FMNL2: variants seen among roughly 807,000 people sequenced by gnomAD.
The protein encoded by FMNL2 is formin like 2.
A neutral mutation model predicts 130.2 loss-of-function variants in FMNL2; 51 were observed. The observed-to-expected ratio is 0.39, with a 90% CI of 0.31 to 0.49. The LOEUF is 0.49. FMNL2 is among the 20% of genes least tolerant of loss of function. FMNL2 has a pLI of 0.85. For missense variants in FMNL2, 977 were observed against 1,316.2 expected (o/e 0.74, Z 3.99); for synonymous variants, 465 against 467.1 (o/e 1.00, Z 0.06).
At position 152,424,998 on chromosome 2, in the gene FMNL2, A is replaced by G. The variant is rs572731579; in HGVS notation, c.117+89278A>G. ...GTTGTTAATTCACTTTTAACTCTTC[A>G]TGTATCATTTTTGTTCTAGTTGTAA... On this transcript the variant is annotated intron_variant, in intron 1 of 25. Coordinates refer to ENST00000288670, the MANE Select transcript of FMNL2 (RefSeq NM_052905.4). Among the ~76,000 whole-genome samples the G allele has an allele frequency of 6.4e-4, 97 of 152,314 alleles. 1 individual carries two copies. The Middle Eastern group carries it at 0.01, about 16-fold the overall frequency.
Position 152,514,979 on chromosome 2 carries a change from T to C in FMNL2, c.118-6964T>C, listed in dbSNP as rs185154069. Among the ~76,000 whole-genome samples the C allele has an allele frequency of 5.3e-5, 8 of 152,302 alleles. No homozygotes were observed. The East Asian group carries it at 1.5e-3, about 29-fold the overall frequency. ...ACCCTCATGATGCTTATCACTACCA[T>C]GGTGATCATTTCCATGTCACAAGTG... is the stretch of plus-strand genomic sequence containing the variant. On this transcript the variant is annotated intron_variant, in intron 1 of 25. Transcript: ENST00000288670.
intron 1 of FMNL2, among the ~76,000 whole-genome samples, chr2:152,461,503 C>T (rs995361364): frequency 6.6e-6 from 1 of 151,940 alleles, no homozygotes; most frequent in Non-Finnish European, 1.5e-5. Context: ...ATTCACATAC[C>T]ACATTTGTTC....
chr2:152,389,778 C>T (rs1684997168), intron 1 of FMNL2, among the ~76,000 whole-genome samples: 2 of 152,210 alleles, frequency 1.3e-5, no homozygotes, highest in Non-Finnish European at 2.9e-5. Context: ...CTTTCTTCAG[C>T]TTCCTTCGAC....
chr2:152,595,456 G>A (rs1460220193), intron 9 of FMNL2, among the ~76,000 whole-genome samples: 1 of 152,104 alleles, frequency 6.6e-6, no homozygotes, highest in Non-Finnish European at 1.5e-5. Context: ...GAGTAGTTGG[G>A]ACTACAGACA....
At chr2:152,642,030 T>A (rs1466719915) in intron 25 of FMNL2, among the ~76,000 whole-genome samples, 1 of 152,006 alleles carries the variant, frequency 6.6e-6, no homozygotes, top group East Asian at 1.9e-4. Flanking sequence ...AAGCTTTGCC[T>A]CCTGGGTTCA....
At position 152,637,647 on chromosome 2, in the gene FMNL2, C is replaced by T; in HGVS notation, c.2919C>T (p.Val973=). The change falls in exon 23 of 26, where the codon GTC becomes GTT. Residue 973 remains valine (V), a synonymous_variant. Coordinates refer to ENST00000288670, the MANE Select transcript of FMNL2 (RefSeq NM_052905.4). The part of the protein sequence containing the change: ...KTTPPSVFFP[V]FVRFVKAYKQ... ...CACCACCCTCTGTCTTCTTTCCTGTCTTTGTCCGGTTTGTGAAAGCATATA... is the reference window on the plus strand; with the variant it reads ...CACCACCCTCTGTCTTCTTTCCTGTTTTTGTCCGGTTTGTGAAAGCATATA... The T allele has an allele frequency of 6.2e-7, 1 of 1,613,964 alleles. No individual in the cohort carries two copies. Among genetic ancestry groups the T allele is most frequent in the Non-Finnish European group, 8.5e-7 (1 of 1,179,852 alleles).
intron 1 of FMNL2, among the ~76,000 whole-genome samples, chr2:152,514,071 G>A (rs1331603101): frequency 6.6e-6 from 1 of 152,148 alleles, no homozygotes; most frequent in African/African-American, 2.4e-5. Flanking sequence ...GCCATGTGCT[G>A]AATTTGCAGC....
chr2:152,406,009 A>AT (rs1352761994), intron 1 of FMNL2, among the ~76,000 whole-genome samples: 1 of 152,224 alleles, frequency 6.6e-6, no homozygotes, highest in Non-Finnish European at 1.5e-5. Flanking sequence ...TTCTGTCATA[A>AT]TTTAGCCTTA....
intron 1 of FMNL2, among the ~76,000 whole-genome samples, chr2:152,479,921 G>C (rs976929492): frequency 6.6e-6 from 1 of 152,044 alleles, no homozygotes; most frequent in African/African-American, 2.4e-5. Flanking sequence ...TTTTGGCCAT[G>C]TGACTTACGT....
chr2:152,419,790 T>G (rs1435155804), intron 1 of FMNL2, among the ~76,000 whole-genome samples: 1 of 152,036 alleles, frequency 6.6e-6, no homozygotes, highest in African/African-American at 2.4e-5. Flanking sequence ...TTGGGCTCCC[T>G]GTGACCTGTT....
intron 1 of FMNL2, 91 bp downstream of exon 1, chr2:152,335,811 G>A: frequency 2.2e-6 from 2 of 899,500 alleles, no homozygotes; most frequent in Admixed American, 4.2e-5. Flanking sequence ...ACCCCGTGCC[G>A]GGAGCGAGCC....
At chr2:152,451,793 G>C (rs1688665540) in intron 1 of FMNL2, among the ~76,000 whole-genome samples, 1 of 152,176 alleles carries the variant, frequency 6.6e-6, no homozygotes, top group African/African-American at 2.4e-5. Context: ...TACAGCCACT[G>C]GATTCCTCTT....
At chr2:152,637,477 T>C (rs1423439725) in intron 22 of FMNL2, 96 bp from the exon 23 acceptor site, 1 of 931,686 alleles carries the variant, frequency 1.1e-6, no homozygotes, top group Non-Finnish European at 1.7e-6. Context: ...TGGGAGCCTC[T>C]GTCTTGTGGC....
intron 1 of FMNL2, among the ~76,000 whole-genome samples, chr2:152,380,026 G>A (rs1030421656): frequency 2.6e-4 from 39 of 152,224 alleles, no homozygotes; most frequent in African/African-American, 8.0e-4. Context: ...ATAGTGAATA[G>A]TTTCTGGGGC....
Position 152,575,136 on chromosome 2 carries a change from A to T in FMNL2, c.597A>T (p.Arg199=). The change falls in exon 7 of 26, where the codon CGA becomes CGT. Residue 199 remains arginine, a splice_region_variant and synonymous_variant. Coordinates refer to ENST00000288670, the MANE Select transcript of FMNL2 (RefSeq NM_052905.4). ...VSRSGRHSAL[R]YNTLPSRRTL... ...TAGAAGTTTCTCTTTTTGTTTGTAGATATAATACATTGCCAAGCAGAAGAA... is the reference window on the plus strand; with the variant it reads ...TAGAAGTTTCTCTTTTTGTTTGTAGTTATAATACATTGCCAAGCAGAAGAA... 1.3e-6 allele frequency: 2 copies of T among 1,578,692 alleles called. No homozygotes were observed. Among genetic ancestry groups the T allele is most frequent in the Non-Finnish European group, 1.7e-6 (2 of 1,154,696 alleles).
intron 25 of FMNL2, among the ~76,000 whole-genome samples, chr2:152,645,892 C>G (rs1683510311): frequency 6.6e-6 from 1 of 152,154 alleles, no homozygotes; most frequent in African/African-American, 2.4e-5. Flanking sequence ...ATCTTTAGAA[C>G]TAATTGCTCA....
At chr2:152,588,170 G>C (rs552373483) in intron 9 of FMNL2, among the ~76,000 whole-genome samples, 2 of 152,340 alleles carry the variant, frequency 1.3e-5, no homozygotes, top group South Asian at 4.1e-4. Context: ...TAAAATGAGT[G>C]TATAGGGTGG....
chr2:152,455,763 A>G (rs961651235), intron 1 of FMNL2, among the ~76,000 whole-genome samples: 5 of 152,104 alleles, frequency 3.3e-5, no homozygotes, highest in African/African-American at 1.2e-4. Flanking sequence ...CACCCCGCCT[A>G]GAGTGTAGTG....
intron 1 of FMNL2, among the ~76,000 whole-genome samples, chr2:152,463,963 C>G (rs1579726245): frequency 6.6e-6 from 1 of 152,094 alleles, no homozygotes; most frequent in Non-Finnish European, 1.5e-5. Context: ...GATGGAGTCT[C>G]GCTCTATCAC....
Sources: gnomAD v4.1 joint callset for allele counts (sites outside exome capture counted in the v4.1 genomes callset) on GRCh38, gnomAD v4.1.1 for gene constraint, MANE v1.5 for transcripts, NCBI Gene and HGNC (gene_info 2026-07-23, HGNC 2026-07-21) for gene names.